The following IGF1R variants were observed in gnomAD, a reference collection of about 807,000 sequenced individuals.
IGF1R encodes insulin like growth factor 1 receptor, also known as insulin-like growth factor 1 receptor.
Under a neutral mutation model 144.6 loss-of-function variants are expected in IGF1R, and 44 were observed. The observed-to-expected ratio is 0.30, with a 90% CI of 0.24 to 0.39. The LOEUF is 0.39. Ranked by LOEUF, IGF1R falls within the 10% of genes least tolerant of loss-of-function variation. The probability of loss-of-function intolerance (pLI) is 1.00; values close to 1 mark genes in which losing one functional copy is unlikely to be tolerated. For missense variants in IGF1R, 1,355 were observed against 1,833.7 expected, an observed-to-expected ratio of 0.74 and a Z score of 4.77; for synonymous variants, 795 against 722.8, an observed-to-expected ratio of 1.10 and a Z score of -1.60.
chr15:98,684,183 A>T (rs575986198), intron 1 of IGF1R, among the ~76,000 whole-genome samples: 2 of 152,366 alleles, frequency 1.3e-5, no homozygotes, highest in East Asian at 3.8e-4. Flanking sequence ...CTAAAAAATA[A>T]AAGCTTCTAA....
intron 2 of IGF1R, among the ~76,000 whole-genome samples, chr15:98,887,314 T>C (rs919182620): frequency 7.2e-6 from 1 of 139,400 alleles, no homozygotes; most frequent in African/African-American, 2.7e-5. Context: ...ACAGGTACTT[T>C]GTCAGTTTTT....
rs72752852 is a variant in IGF1R, at chr15:98,895,269, G to C, written c.954-1488G>C. On this transcript the variant is annotated intron_variant, in intron 3 of 20. Transcript: ENST00000650285. ...ACACACACACACACACACACACACAGAGTTAATTTCCAGGTTTGATACTTA... is the reference window on the plus strand; with the variant it reads ...ACACACACACACACACACACACACACAGTTAATTTCCAGGTTTGATACTTA... 9.3e-3 allele frequency among the ~76,000 whole-genome samples: 1,329 copies of C among 142,446 alleles called. 17 individuals carry two copies. The highest frequency in any genetic ancestry group is 0.032 in the African/African-American group (1,215 of 38,336). The allele number at this position is 142,446 out of a possible 152,430, so 93.5% of individuals were successfully genotyped here.
intron 13 of IGF1R, among the ~76,000 whole-genome samples, chr15:98,927,558 C>T (rs2015769820): frequency 6.6e-6 from 1 of 152,152 alleles, no homozygotes; most frequent in Admixed American, 6.6e-5. Flanking sequence ...CACAGTACAG[C>T]CTGACCAGTA....
chr15:98,872,866 GAC>G (rs1173103430), intron 2 of IGF1R, among the ~76,000 whole-genome samples: 1 of 151,906 alleles, frequency 6.6e-6, no homozygotes, highest in Non-Finnish European at 1.5e-5. Flanking sequence ...AAAACAGACA[GAC>G]AGACATGACT....
At chr15:98,698,862 T>C (rs936536587) in intron 1 of IGF1R, among the ~76,000 whole-genome samples, 1 of 152,230 alleles carries the variant, frequency 6.6e-6, no homozygotes, top group African/African-American at 2.4e-5. Context: ...ATTTCTACAC[T>C]GTTATCAGCT....
chr15:98,685,061 G>C (rs2053292142), intron 1 of IGF1R, among the ~76,000 whole-genome samples: 1 of 150,980 alleles, frequency 6.6e-6, no homozygotes, highest in African/African-American at 2.4e-5. Context: ...TCCTGCCTCA[G>C]CCTCCTGAGT....
At chr15:98,864,340 T>C (rs972290886) in intron 2 of IGF1R, among the ~76,000 whole-genome samples, 3 of 152,208 alleles carry the variant, frequency 2.0e-5, no homozygotes, top group Admixed American at 1.3e-4. Flanking sequence ...CCAAATCTAA[T>C]TGGTATGAAG....
intron 2 of IGF1R, among the ~76,000 whole-genome samples, chr15:98,878,663 CAAAAAA>C (rs138285597): frequency 1.4e-4 from 8 of 57,902 alleles, no homozygotes; most frequent in South Asian, 5.8e-4. Context: ...GTGAAAGACT[CAAAAAA>C]AAAAAAAAAA....
chr15:98,791,082 G>C (rs1420929146), intron 2 of IGF1R, among the ~76,000 whole-genome samples: 2 of 152,176 alleles, frequency 1.3e-5, no homozygotes, highest in African/African-American at 2.4e-5. Context: ...CTTAGTTCAT[G>C]CTCAGATGAT....
chr15:98,841,041 G>T (rs549292486), intron 2 of IGF1R, among the ~76,000 whole-genome samples: 1 of 152,052 alleles, frequency 6.6e-6, no homozygotes, highest in Non-Finnish European at 1.5e-5. Context: ...AATTACAGGC[G>T]TGAGCCACCG....
At chr15:98,677,302 T>C (rs913163434) in intron 1 of IGF1R, among the ~76,000 whole-genome samples, 1 of 152,232 alleles carries the variant, frequency 6.6e-6, no homozygotes, top group Non-Finnish European at 1.5e-5. Context: ...TCTGTACTTA[T>C]CTTGTACCTA....
chr15:98,879,009 A>T (rs376047093), intron 2 of IGF1R, among the ~76,000 whole-genome samples: 3 of 152,030 alleles, frequency 2.0e-5, no homozygotes, highest in African/African-American at 7.2e-5. Context: ...GAAAAAAAAA[A>T]TAGGGGGGAT....
At chr15:98,726,114 T>C (rs1156935491) in intron 2 of IGF1R, among the ~76,000 whole-genome samples, 2 of 152,226 alleles carry the variant, frequency 1.3e-5, no homozygotes, top group African/African-American at 4.8e-5. Context: ...ACCTCGCCAG[T>C]ATTCTTTAAT....
chr15:98,899,816 G>A (rs1377028282), intron 5 of IGF1R, among the ~76,000 whole-genome samples, 195 bp downstream of exon 5: 3 of 152,144 alleles, frequency 2.0e-5, no homozygotes, highest in Non-Finnish European at 2.9e-5. Context: ...TTGCTGTTTG[G>A]AAAACAGAGA....
At chr15:98,825,480 C>G (rs745990151) in intron 2 of IGF1R, among the ~76,000 whole-genome samples, 11 of 152,228 alleles carry the variant, frequency 7.2e-5, no homozygotes, top group Non-Finnish European at 1.3e-4. Flanking sequence ...GGCCAACTAG[C>G]ATTAACTGCA....
chr15:98,884,241 C>T (rs45494997), intron 2 of IGF1R, among the ~76,000 whole-genome samples: 2 of 152,180 alleles, frequency 1.3e-5, no homozygotes, highest in Admixed American at 1.3e-4. Context: ...CCCACAGTCC[C>T]TTCTCCATCC....
At chr15:98,807,778 C>A (rs552778359) in intron 2 of IGF1R, among the ~76,000 whole-genome samples, 4 of 152,342 alleles carry the variant, frequency 2.6e-5, no homozygotes, top group African/African-American at 9.6e-5. Flanking sequence ...TTAGTGTATA[C>A]CCTGTCTCCT....
chr15:98,908,905 TG>T lies in IGF1R; in HGVS notation c.1462+7del. On this transcript the variant is annotated splice_region_variant and intron_variant, in intron 6 of 20. Transcript: ENST00000650285. ...CAACGGGGAGAGAGCCTCCTGTGAG[TG>T]ACAGCATCCAAAACACCGTGGGCCC... is the stretch of plus-strand genomic sequence containing the variant. 6.2e-7 allele frequency: 1 copy of T among 1,611,988 alleles called. No homozygotes were observed. Among genetic ancestry groups the T allele is most frequent in the Non-Finnish European group, 8.5e-7 (1 of 1,178,808 alleles).
At chr15:98,649,779 C>A in intron 1 of IGF1R, 104 bp downstream of exon 1, 1 of 875,648 alleles carries the variant, frequency 1.1e-6, no homozygotes, top group Non-Finnish European at 1.8e-6. Context: ...CTGTCGGGCC[C>A]CCGGGCTCGG....
Sources: gnomAD v4.1 joint callset for allele counts (sites outside exome capture counted in the v4.1 genomes callset) on GRCh38, gnomAD v4.1.1 for gene constraint, MANE v1.5 for transcripts, NCBI Gene and HGNC (gene_info 2026-07-23, HGNC 2026-07-21) for gene names.